Variants in NAA15 observed in about 807,000 individuals in gnomAD.
NAA15 encodes the protein N-alpha-acetyltransferase 15, NatA auxiliary subunit.
Under a neutral mutation model 114.0 loss-of-function variants are expected in NAA15, and 34 were observed. The observed-to-expected ratio is 0.30, with a 90% CI of 0.23 to 0.40. The LOEUF (loss-of-function observed/expected upper bound fraction) is 0.40. Among genes scored for constraint, NAA15 ranks in the 10% least tolerant of loss-of-function variants. The pLI is 1.00. For missense variants in NAA15, 658 were observed against 1,004.5 expected, an observed-to-expected ratio of 0.66 and a Z score of 4.66; for synonymous variants, 340 against 338.0, an observed-to-expected ratio of 1.01 and a Z score of -0.06.
At chr4:139,345,920 CA>C (rs529482097) in intron 6 of NAA15, among the ~76,000 whole-genome samples, 17 of 144,162 alleles carry the variant, frequency 1.2e-4, no homozygotes, top group Non-Finnish European at 1.4e-4. Flanking sequence ...GACTCCGTAT[CA>C]AAAAAAAAAG....
chr4:139,302,103 C>T lies in NAA15; in HGVS notation c.54+272C>T, dbSNP rs187456975. 2,266 of 382,376 alleles carry T rather than the reference C, an allele frequency of 5.9e-3. 29 individuals are homozygous for T. The highest frequency in any genetic ancestry group is 5.3e-3 in the Non-Finnish European group (1,126 of 213,554). The allele number at this position is 382,376 out of a possible 1,614,324, so 23.7% of individuals were successfully genotyped here. A position where few individuals can be genotyped will look rare whatever the true frequency, so the allele number is the denominator to read the frequency against. On this transcript the variant is annotated intron_variant, in intron 1 of 19. Coordinates refer to ENST00000296543, the MANE Select transcript of NAA15 (RefSeq NM_057175.5). ...CCTCCCGGCTTCTAGACTGCCGGTT[C>T]TCATTCTCCCCGATCTGGGGGAGAA...
chr4:139,368,392 A>G lies in NAA15; in HGVS notation c.1754-1819A>G, dbSNP rs1340230324. Among the ~76,000 whole-genome samples the G allele has an allele frequency of 2.0e-5, 3 of 152,162 alleles. No homozygotes were observed. In the East Asian group the frequency reaches 5.8e-4, roughly 29 times the overall value. ...GGAGTTCGAGACCAGCCTCGTCAAC[A>G]TAGTGAGACCCTGTCTCTATTTATA... On this transcript the variant is annotated intron_variant, in intron 14 of 19. Transcript: ENST00000296543.
At chr4:139,314,496 G>A (rs1400732288) in intron 1 of NAA15, among the ~76,000 whole-genome samples, 3 of 151,850 alleles carry the variant, frequency 2.0e-5, no homozygotes, top group Non-Finnish European at 4.4e-5. Context: ...ATTTAACTTA[G>A]AGTTGTAGAG....
intron 15 of NAA15, 114 bp downstream of exon 15, chr4:139,370,518 CA>C: frequency 2.2e-6 from 2 of 928,784 alleles, no homozygotes; most frequent in Admixed American, 3.2e-5. Context: ...GTTTTAGAGC[CA>C]AAAATTATTT....
chr4:139,336,743 T>A (rs1329014648), intron 2 of NAA15, 105 bp from the exon 3 acceptor site: 1 of 527,276 alleles, frequency 1.9e-6, no homozygotes, highest in African/African-American at 2.0e-5. Flanking sequence ...TTTTTAATTC[T>A]TAAGGCAGTG....
chr4:139,377,743 A>AT (rs1748630518), intron 16 of NAA15, among the ~76,000 whole-genome samples: 1 of 152,214 alleles, frequency 6.6e-6, no homozygotes, highest in African/African-American at 2.4e-5. Flanking sequence ...GATTAAAATA[A>AT]TTTACTGTAT....
intron 10 of NAA15, 67 bp from the exon 11 acceptor site, chr4:139,357,319 C>T (rs990410048): frequency 1.4e-6 from 2 of 1,384,392 alleles, no homozygotes; most frequent in African/African-American, 2.9e-5. Context: ...AACATAGGGA[C>T]CATTTTGGGG....
chr4:139,382,199 A>G (rs1748772919), intron 17 of NAA15, among the ~76,000 whole-genome samples: 1 of 151,994 alleles, frequency 6.6e-6, no homozygotes. Flanking sequence ...CTGCAGTAGA[A>G]TTTTTTTATC....
chr4:139,370,289 A>AG lies in NAA15; in HGVS notation c.1833dup (p.Lys612GlufsTer19). 1 of 1,597,418 alleles carries AG rather than the reference A, an allele frequency of 6.3e-7. No homozygotes were observed. Among genetic ancestry groups the AG allele is most frequent in the Non-Finnish European group, 8.5e-7 (1 of 1,171,704 alleles). Reference sequence around the variant, plus strand: ...CAAAAGAAAGCCCAGATAGAAGAAGAGAAAAAAAATGCAGAAAAAGAAAAG... The same window carrying AG: ...CAAAAGAAAGCCCAGATAGAAGAAGAGGAAAAAAAATGCAGAAAAAGAAAAG... On this transcript the variant is annotated frameshift_variant, in exon 15 of 20. Coordinates refer to ENST00000296543, the MANE Select transcript of NAA15 (RefSeq NM_057175.5). LOFTEE classifies it high-confidence loss of function.
At chr4:139,377,495 G>A (rs991844647) in intron 16 of NAA15, among the ~76,000 whole-genome samples, 12 of 151,358 alleles carry the variant, frequency 7.9e-5, no homozygotes, top group African/African-American at 2.9e-4. Context: ...CCTAGATCAC[G>A]CCATTGCACT....
Position 139,388,186 on chromosome 4 carries a change from G to A in NAA15, c.*102G>A. The stretch of plus-strand genomic sequence containing the variant: ...TGCTCTAACTTACACAGAATGAGAG[G>A]AGTAAATGTTCTTGCCTTCAAATAG... On this transcript the variant is annotated 3_prime_UTR_variant, in exon 20 of 20. Coordinates refer to ENST00000296543, the MANE Select transcript of NAA15 (RefSeq NM_057175.5). 2 of 922,026 alleles carry A rather than the reference G, an allele frequency of 2.2e-6. No homozygotes were observed. Among genetic ancestry groups the A allele is most frequent in the Non-Finnish European group, 3.2e-6 (2 of 617,386 alleles). The allele number at this position is 922,026 out of a possible 1,614,324, so 57.1% of individuals were successfully genotyped here.
At position 139,357,505 on chromosome 4, in the gene NAA15, A is replaced by T. The variant is rs1430061243; in HGVS notation, c.1207A>T (p.Ser403Cys). The change falls in exon 11 of 20, where the codon AGT becomes TGT. Residue 403 changes from serine (S) to cysteine (C), a missense_variant. Transcript: ENST00000296543. ...GGAGTACATAAATACTGCTATTGAA[A>T]GTACACCTACATTAATAGAACTCTT... ...ALEYINTAIE[S>C]TPTLIELFLV... The T allele has an allele frequency of 1.9e-6, 3 of 1,611,730 alleles. No homozygotes were observed. In the African/African-American group the frequency reaches 4.0e-5, roughly 22 times the overall value.
chr4:139,313,346 A>G (rs1395876658), intron 1 of NAA15, among the ~76,000 whole-genome samples: 1 of 151,934 alleles, frequency 6.6e-6, no homozygotes, highest in Non-Finnish European at 1.5e-5. Context: ...ACCTTTAATT[A>G]TCAATGTTTG....
chr4:139,304,577 G>A (rs1745944126), intron 1 of NAA15, among the ~76,000 whole-genome samples: 1 of 152,026 alleles, frequency 6.6e-6, no homozygotes, highest in Admixed American at 6.6e-5. Flanking sequence ...AATATCTCTA[G>A]ATTACTTATA....
At chr4:139,316,806 C>T (rs956999624) in intron 1 of NAA15, among the ~76,000 whole-genome samples, 1 of 151,744 alleles carries the variant, frequency 6.6e-6, no homozygotes, top group Non-Finnish European at 1.5e-5. Flanking sequence ...TTTGTTGCCA[C>T]AGTGAAATGT....
intron 6 of NAA15, among the ~76,000 whole-genome samples, chr4:139,346,260 A>G (rs890286254): frequency 6.6e-6 from 1 of 152,036 alleles, no homozygotes; most frequent in Non-Finnish European, 1.5e-5. Flanking sequence ...TGTAATGCAT[A>G]TTTTGGAGTT....
intron 19 of NAA15, 174 bp downstream of exon 19, chr4:139,386,404 G>T: frequency 2.3e-6 from 1 of 441,240 alleles, no homozygotes; most frequent in African/African-American, 2.0e-5. Flanking sequence ...TTTCACATCT[G>T]TAGCTTGGAA....
Position 139,349,585 on chromosome 4 carries a change from GTAT to G in NAA15, c.811+6_811+8del. ...TTGGAAAAAGCACTCAAGCCAGGTA[GTAT>G]TGTTTAAAACTTACTAAGTTTTATT... On this transcript the variant is annotated splice_donor_5th_base_variant and intron_variant, in intron 7 of 19. Transcript: ENST00000296543. 6.3e-7 allele frequency: 1 copy of G among 1,593,664 alleles called. No individual in the cohort carries two copies. The highest frequency in any genetic ancestry group is 8.5e-7 in the Non-Finnish European group (1 of 1,174,946).
intron 9 of NAA15, among the ~76,000 whole-genome samples, chr4:139,352,377 G>A (rs1250683933): frequency 6.6e-6 from 1 of 152,026 alleles, no homozygotes; most frequent in Non-Finnish European, 1.5e-5. Flanking sequence ...CCAAAGTGCT[G>A]GGATTACAAG....
Sources: gnomAD v4.1 joint callset for allele counts (sites outside exome capture counted in the v4.1 genomes callset) on GRCh38, gnomAD v4.1.1 for gene constraint, MANE v1.5 for transcripts, NCBI Gene and HGNC (gene_info 2026-07-23, HGNC 2026-07-21) for gene names.